TMEM266: variants seen among roughly 807,000 people sequenced by gnomAD.
TMEM266 encodes the protein Hv1 related protein 1.
Under a neutral mutation model 50.5 loss-of-function variants are expected in TMEM266, and 33 were observed. The observed-to-expected ratio is 0.65, with a 90% CI of 0.50 to 0.87. The LOEUF (loss-of-function observed/expected upper bound fraction) is 0.87. Among genes scored for constraint, TMEM266 ranks in the 40% least tolerant of loss-of-function variants. The pLI is 0.00. For missense variants in TMEM266, 655 were observed against 695.1 expected, an observed-to-expected ratio of 0.94 and a Z score of 0.65; for synonymous variants, 310 against 292.3, an observed-to-expected ratio of 1.06 and a Z score of -0.62.
intron 1 of TMEM266, among the ~76,000 whole-genome samples, chr15:76,100,120 T>C (rs2036980597): frequency 6.6e-6 from 1 of 152,058 alleles, no homozygotes; most frequent in Non-Finnish European, 1.5e-5. Context: ...GAGGGAAACA[T>C]ATCACTGCCT....
chr15:76,070,274 G>C (rs1487095458), intron 1 of TMEM266, among the ~76,000 whole-genome samples: 1 of 152,186 alleles, frequency 6.6e-6, no homozygotes, highest in Admixed American at 6.5e-5. Flanking sequence ...GGAAGAAGGA[G>C]GAAGGATGAA....
intron 1 of TMEM266, among the ~76,000 whole-genome samples, chr15:76,073,247 T>G (rs1471538295): frequency 6.7e-6 from 1 of 150,352 alleles, no homozygotes; most frequent in East Asian, 2.0e-4. Context: ...TTTTTTTTTT[T>G]TGTGAGACTA....
At chr15:76,169,896 A>C (rs1180396541) in intron 6 of TMEM266, 24 bp downstream of exon 6, 2 of 1,608,112 alleles carry the variant, frequency 1.2e-6, no homozygotes, top group East Asian at 4.5e-5. Flanking sequence ...TCCACCCCCA[A>C]AGCCCCCACT....
chr15:76,075,048 A>G (rs1392976624), intron 1 of TMEM266, among the ~76,000 whole-genome samples: 1 of 152,134 alleles, frequency 6.6e-6, no homozygotes, highest in Admixed American at 6.5e-5. Flanking sequence ...GGGGAAATAA[A>G]GAGTTCTGTT....
chr15:76,159,119 C>G (rs1038370347), intron 4 of TMEM266, among the ~76,000 whole-genome samples: 3 of 152,216 alleles, frequency 2.0e-5, no homozygotes, highest in Admixed American at 6.5e-5. Flanking sequence ...CTCTCACCCC[C>G]TCTCAGCCCT....
At chr15:76,065,642 A>G (rs192854918) in intron 1 of TMEM266, among the ~76,000 whole-genome samples, 28 of 152,174 alleles carry the variant, frequency 1.8e-4, no homozygotes, top group Admixed American at 1.7e-3. Context: ...CAGTGTCCTC[A>G]TCGGTAAAAT....
chr15:76,185,859 G>C (rs1423232810), intron 8 of TMEM266, among the ~76,000 whole-genome samples: 2 of 152,160 alleles, frequency 1.3e-5, no homozygotes, highest in Admixed American at 6.5e-5. Flanking sequence ...CCTGGAGCTG[G>C]TACAGAGCTC....
At chr15:76,192,285 G>A in intron 9 of TMEM266, 128 bp downstream of exon 9, 1 of 849,812 alleles carries the variant, frequency 1.2e-6, no homozygotes, top group Non-Finnish European at 1.7e-6. Context: ...TCCTTCACTC[G>A]TGATTGGGGG....
intron 1 of TMEM266, among the ~76,000 whole-genome samples, chr15:76,089,790 A>T (rs1230258937): frequency 6.6e-6 from 1 of 152,162 alleles, no homozygotes; most frequent in South Asian, 2.1e-4. Flanking sequence ...CAAGTGAGAA[A>T]TAATGAGGAT....
Position 76,191,978 on chromosome 15 carries a change from G to T in TMEM266, c.779G>T (p.Arg260Leu). 1 of 1,581,974 alleles carries T rather than the reference G, an allele frequency of 6.3e-7. No individual in the cohort carries two copies. The highest frequency in any genetic ancestry group is 1.1e-5 in the South Asian group (1 of 89,114). Residue 260 changes from arginine to leucine, a missense_variant, in exon 9 of 11, where the codon CGG (arginine) becomes CTG (leucine). By Grantham distance (102) the Arg-to-Leu change is moderately radical. Around this residue, in one of 3 missense-constraint regions of TMEM266, gnomAD observed 455 missense variants for 401.8 expected, o/e 1.13. Coordinates refer to ENST00000388942, the MANE Select transcript of TMEM266 (RefSeq NM_152335.3). ...CGTCTCCCTCCGCAGTTTGAGATCC[G>T]GCAGCTGCGCGCGCACCTGGCGCAG...
At position 76,139,285 on chromosome 15, in the gene TMEM266, A is replaced by G. The variant is rs2037639925; in HGVS notation, c.227+1390A>G. Among the ~76,000 whole-genome samples the G allele has an allele frequency of 6.6e-6, 1 of 152,192 alleles. No individual in the cohort carries two copies. Among genetic ancestry groups the G allele is most frequent in the South Asian group, 2.1e-4 (1 of 4,826 alleles). ...CCTTTTTTTGCAGAAACTACACCCC[A>G]GTGGCTTTCTCTGAAAATATAATTT... On this transcript the variant is annotated intron_variant, in intron 3 of 10. Transcript: ENST00000388942. This position sits in a 1 kb window ranked among gnomAD's most constrained non-coding sequence, Gnocchi z 4.1.
At position 76,127,519 on chromosome 15, in the gene TMEM266, G is replaced by A. The variant is rs772357837; in HGVS notation, c.-96-6649G>A. Among the ~76,000 whole-genome samples, 15 of 151,874 alleles carry A rather than the reference G, an allele frequency of 9.9e-5. 1 individual carries two copies. Among genetic ancestry groups the A allele is most frequent in the African/African-American group, 3.4e-4 (14 of 41,312 alleles). On this transcript the variant is annotated intron_variant, in intron 1 of 10. Coordinates refer to ENST00000388942, the MANE Select transcript of TMEM266 (RefSeq NM_152335.3). The stretch of plus-strand genomic sequence containing the variant: ...TTTTTGTATTTTTAGTAGAGATGAG[G>A]TTTGCCATGTTGGCCAAGCTGGCCT...
intron 8 of TMEM266, among the ~76,000 whole-genome samples, chr15:76,181,859 G>A (rs930647830): frequency 6.6e-6 from 1 of 152,280 alleles, no homozygotes; most frequent in Middle Eastern, 3.4e-3. Context: ...AACACATTCT[G>A]AAGTCTCCGT....
chr15:76,130,427 G>A (rs2037492409), intron 1 of TMEM266, among the ~76,000 whole-genome samples: 1 of 152,148 alleles, frequency 6.6e-6, no homozygotes, highest in Non-Finnish European at 1.5e-5. Flanking sequence ...TGTAATCCCA[G>A]CTACTTGGGA....
chr15:76,066,952 A>G (rs1279225327), intron 1 of TMEM266, among the ~76,000 whole-genome samples: 4 of 151,994 alleles, frequency 2.6e-5, no homozygotes, highest in Non-Finnish European at 4.4e-5. Flanking sequence ...ACCCTTACCC[A>G]CTAGATGCCA....
rs1353324766 is a variant in TMEM266, at chr15:76,080,748, A to AT, written c.-97+20738dup. Among the ~76,000 whole-genome samples the AT allele has an allele frequency of 9.9e-5, 15 of 151,316 alleles. No individual in the cohort carries two copies. The South Asian group carries it at 1.7e-3, about 17-fold the overall frequency. ...GTAACTCTGTATGGACACGCCATGG[A>AT]TTTTTTCTTTTTTTTTAGGAGACTG... is the stretch of plus-strand genomic sequence containing the variant. On this transcript the variant is annotated intron_variant, in intron 1 of 10. Transcript: ENST00000388942.
At chr15:76,144,692 T>G (rs993091940) in intron 3 of TMEM266, among the ~76,000 whole-genome samples, 1 of 152,192 alleles carries the variant, frequency 6.6e-6, no homozygotes, top group Non-Finnish European at 1.5e-5. Flanking sequence ...CTCCATCATC[T>G]GCCTCTCCCT....
At chr15:76,077,079 C>G (rs2036618149) in intron 1 of TMEM266, among the ~76,000 whole-genome samples, 1 of 152,016 alleles carries the variant, frequency 6.6e-6, no homozygotes, top group Non-Finnish European at 1.5e-5. Context: ...ATTCTCCAGC[C>G]TCAGCCTCCC....
rs569174079 is a variant in TMEM266 at position 76,168,472 on chromosome 15, C to T, written c.457-1344C>T. On this transcript the variant is annotated intron_variant, in intron 5 of 10. Transcript: ENST00000388942. The surrounding 1 kb of genome is among the most constrained non-coding windows in gnomAD (Gnocchi z 4.4). ...CTACAGGCATGCGGGAGAGGGGCAC[C>T]ATCTGGTGTGAATCACCGTGAATTA... is the stretch of plus-strand genomic sequence containing the variant. Among the ~76,000 whole-genome samples, 1 of 152,330 alleles carries T rather than the reference C, an allele frequency of 6.6e-6. No individual in the cohort carries two copies. Among genetic ancestry groups the T allele is most frequent in the East Asian group, 1.9e-4 (1 of 5,186 alleles).
Sources: allele counts gnomAD v4.1 joint callset (sites outside exome capture counted in the v4.1 genomes callset), GRCh38; gene constraint gnomAD v4.1.1; regional missense constraint gnomAD v4.1.1; non-coding constraint Gnocchi (gnomAD v3.1); transcripts MANE v1.5; gene names NCBI Gene and HGNC (gene_info 2026-07-23, HGNC 2026-07-21).